GRM7: variants seen among roughly 807,000 people sequenced by gnomAD.
The protein encoded by GRM7 is glutamate metabotropic receptor 7, also known as metabotropic glutamate receptor 7.
GRM7 carries 35 observed loss-of-function variants against 84.5 expected under a neutral mutation model. The observed-to-expected ratio is 0.41, with a 90% CI of 0.32 to 0.55. The LOEUF (loss-of-function observed/expected upper bound fraction) is 0.55, where lower values mean the gene tolerates loss of function less well. Among genes scored for constraint, GRM7 ranks in the 20% least tolerant of loss-of-function variants. The probability of loss-of-function intolerance (pLI) is 0.19; values close to 1 mark genes in which losing one functional copy is unlikely to be tolerated. For missense variants in GRM7, 1,003 were observed against 1,194.6 expected (o/e 0.84, Z 2.36); for synonymous variants, 487 against 455.1 (o/e 1.07, Z -0.89).
chr3:7,419,331 C>T (rs563817228), intron 5 of GRM7, among the ~76,000 whole-genome samples: 14 of 152,174 alleles, frequency 9.2e-5, no homozygotes, highest in South Asian at 2.1e-4. Context: ...CATTTGGACA[C>T]AGAGTGTGTA....
intron 1 of GRM7, among the ~76,000 whole-genome samples, chr3:6,889,361 T>G (rs571012763): frequency 6.6e-6 from 1 of 152,272 alleles, no homozygotes; most frequent in African/African-American, 2.4e-5. Context: ...TGATATTGGC[T>G]GTGGGTTTGT....
chr3:7,355,124 A>T (rs1693334785), intron 4 of GRM7, among the ~76,000 whole-genome samples: 1 of 152,142 alleles, frequency 6.6e-6, no homozygotes, highest in African/African-American at 2.4e-5. Flanking sequence ...GGGGTTTTTT[A>T]CTTCACTCAA....
At chr3:7,276,506 TCTAGCCTAG>T (rs1699063054) in intron 2 of GRM7, among the ~76,000 whole-genome samples, 1 of 151,956 alleles carries the variant, frequency 6.6e-6, no homozygotes, top group African/African-American at 2.4e-5. Context: ...TACTTTCATT[TCTAGCCTAG>T]GATTTAGTAC....
chr3:7,308,613 G>A (rs1452728241), intron 4 of GRM7, among the ~76,000 whole-genome samples: 1 of 152,136 alleles, frequency 6.6e-6, no homozygotes, highest in Non-Finnish European at 1.5e-5. Context: ...GTTACTTTAT[G>A]CTGAAAATCT....
chr3:7,097,832 G>A (rs1698909981), intron 1 of GRM7, among the ~76,000 whole-genome samples: 1 of 151,966 alleles, frequency 6.6e-6, no homozygotes, highest in African/African-American at 2.4e-5. Flanking sequence ...TTTTCTAATT[G>A]GAACTTTTCC....
chr3:7,044,271 G>A (rs1387522944), intron 1 of GRM7, among the ~76,000 whole-genome samples: 1 of 152,044 alleles, frequency 6.6e-6, no homozygotes, highest in Non-Finnish European at 1.5e-5. Flanking sequence ...CATTCAATTT[G>A]TATTTGTATA....
At chr3:7,439,646 C>T (rs941310943) in intron 5 of GRM7, among the ~76,000 whole-genome samples, 9 of 152,090 alleles carry the variant, frequency 5.9e-5, no homozygotes, top group Non-Finnish European at 2.9e-5. Flanking sequence ...TGTTGTTTTG[C>T]ACAGGGAGAA....
At chr3:7,533,455 A>G (rs1051889472) in intron 7 of GRM7, among the ~76,000 whole-genome samples, 5 of 152,210 alleles carry the variant, frequency 3.3e-5, no homozygotes, top group Non-Finnish European at 7.3e-5. Flanking sequence ...TAATGAAAAC[A>G]AAGACCACAA....
chr3:7,147,935 G>A (rs1002045533), intron 2 of GRM7, among the ~76,000 whole-genome samples: 3 of 152,214 alleles, frequency 2.0e-5, no homozygotes, highest in East Asian at 1.9e-4. Context: ...CTCCCACAGC[G>A]CCTATCACAG....
chr3:6,988,518 T>C (rs956747249), intron 1 of GRM7, among the ~76,000 whole-genome samples: 1 of 152,188 alleles, frequency 6.6e-6, no homozygotes, highest in African/African-American at 2.4e-5. Context: ...ATGTTATCCT[T>C]GTGATTACTA....
At chr3:7,479,132 T>C (rs1699036199) in intron 7 of GRM7, among the ~76,000 whole-genome samples, 1 of 151,960 alleles carries the variant, frequency 6.6e-6, no homozygotes, top group South Asian at 2.1e-4. Flanking sequence ...TGGCAGATGA[T>C]CCTGGCAAAC....
chr3:7,488,561 CTT>C lies in GRM7; in HGVS notation c.1515+26841_1515+26842del, dbSNP rs897655220. Among the ~76,000 whole-genome samples, 7 of 152,328 alleles carry C rather than the reference CTT, an allele frequency of 4.6e-5. 1 individual carries two copies. Among genetic ancestry groups the C allele is most frequent in the Admixed American group, 2.0e-4 (3 of 15,306 alleles). The stretch of plus-strand genomic sequence containing the variant: ...TAAGGCTGGCCCTCGTATTTGCTCT[CTT>C]TACACATTCCTGCTTCATCTTCCGC... On this transcript the variant is annotated intron_variant, in intron 7 of 9. Coordinates refer to ENST00000357716, the MANE Select transcript of GRM7 (RefSeq NM_000844.4).
intron 1 of GRM7, among the ~76,000 whole-genome samples, chr3:6,878,777 A>G (rs1051403620): frequency 6.6e-6 from 1 of 152,146 alleles, no homozygotes; most frequent in African/African-American, 2.4e-5. Context: ...AGATTCTGAG[A>G]TTGGTGTTTT....
At chr3:7,401,740 C>G (rs1187444768) in intron 4 of GRM7, among the ~76,000 whole-genome samples, 1 of 152,146 alleles carries the variant, frequency 6.6e-6, no homozygotes. Flanking sequence ...TTGCATCTCT[C>G]TAACTTCTGA....
intron 1 of GRM7, among the ~76,000 whole-genome samples, chr3:7,092,746 C>T (rs1187900740): frequency 1.3e-5 from 2 of 152,044 alleles, no homozygotes; most frequent in Non-Finnish European, 2.9e-5. Flanking sequence ...TTGGGGTTGG[C>T]CAGAAGGTGG....
chr3:7,317,366 A>G (rs1700621100), intron 4 of GRM7, among the ~76,000 whole-genome samples: 1 of 152,182 alleles, frequency 6.6e-6, no homozygotes, highest in Admixed American at 6.6e-5. Context: ...AGTGACAAAA[A>G]GTCATAATTA....
intron 4 of GRM7, among the ~76,000 whole-genome samples, chr3:7,376,929 C>T (rs934623928): frequency 1.3e-5 from 2 of 152,168 alleles, no homozygotes; most frequent in Non-Finnish European, 2.9e-5. Context: ...GTACCACCTC[C>T]CCATTTGTGA....
chr3:7,378,142 G>A (rs1410299949), intron 4 of GRM7, among the ~76,000 whole-genome samples: 2 of 152,118 alleles, frequency 1.3e-5, no homozygotes, highest in Non-Finnish European at 2.9e-5. Flanking sequence ...GACTCGGTGT[G>A]GGATGGCTGC....
chr3:7,117,590 A>G lies in GRM7; in HGVS notation c.520-28862A>G, dbSNP rs370694120. 1.1e-4 allele frequency among the ~76,000 whole-genome samples: 16 copies of G among 152,132 alleles called. 1 individual carries two copies. The highest frequency in any genetic ancestry group is 2.4e-4 in the African/African-American group (10 of 41,440). ...ATCAGAAGACTTGCACTTGAGTCCA[A>G]TGCCTACCATCAGTTATCCTCATGC... On this transcript the variant is annotated intron_variant, in intron 1 of 9. Coordinates refer to ENST00000357716, the MANE Select transcript of GRM7 (RefSeq NM_000844.4).
Sources: gnomAD v4.1 joint callset for allele counts (sites outside exome capture counted in the v4.1 genomes callset) on GRCh38, gnomAD v4.1.1 for gene constraint, MANE v1.5 for transcripts, NCBI Gene and HGNC (gene_info 2026-07-23, HGNC 2026-07-21) for gene names.